Variants in ANO3 observed in about 807,000 individuals in gnomAD.
The protein encoded by ANO3 is anoctamin-3.
A neutral mutation model predicts 144.8 loss-of-function variants in ANO3; 99 were observed. That is an observed-to-expected ratio of 0.68 (90% CI 0.58 to 0.81). The LOEUF (loss-of-function observed/expected upper bound fraction) is 0.81. Among genes scored for constraint, ANO3 ranks in the 30% least tolerant of loss-of-function variants. ANO3 has a pLI of 0.00. For synonymous variants in ANO3, 414 were observed against 392.6 expected (o/e 1.05, Z -0.64); for missense variants, 905 against 1,202.2 (o/e 0.75, Z 3.66).
At chr11:26,262,105 A>G (rs1853203426) in intron 1 of ANO3, among the ~76,000 whole-genome samples, 1 of 152,206 alleles carries the variant, frequency 6.6e-6, no homozygotes, top group African/African-American at 2.4e-5. Flanking sequence ...TTGAAATAGT[A>G]GAATAGAGAA....
intron 4 of ANO3, among the ~76,000 whole-genome samples, chr11:26,483,188 A>G (rs1860296215): frequency 6.6e-6 from 1 of 152,066 alleles, no homozygotes. Context: ...TCCCACCAAG[A>G]GCCTGTAAAC....
chr11:26,279,784 A>G (rs1317526474), intron 1 of ANO3, among the ~76,000 whole-genome samples: 1 of 151,938 alleles, frequency 6.6e-6, no homozygotes, highest in Non-Finnish European at 1.5e-5. Context: ...CAACTTCAAG[A>G]CTCCTTATTT....
chr11:26,578,729 T>C (rs536398081), intron 14 of ANO3, among the ~76,000 whole-genome samples: 7 of 152,134 alleles, frequency 4.6e-5, no homozygotes, highest in African/African-American at 1.7e-4. Flanking sequence ...GTGTAGAATA[T>C]GGGGATAGAG....
intron 1 of ANO3, among the ~76,000 whole-genome samples, chr11:26,300,907 GC>G (rs1854216296): frequency 7.4e-6 from 1 of 135,816 alleles, no homozygotes; most frequent in South Asian, 2.3e-4. Flanking sequence ...AGGCTGAAGT[GC>G]AGTGGTGCAA....
At chr11:26,598,301 A>G in intron 14 of ANO3, 64 bp from the exon 15 acceptor site, 5 of 786,240 alleles carry the variant, frequency 6.4e-6, no homozygotes, top group Non-Finnish European at 7.7e-6. Flanking sequence ...AGATATCTCA[A>G]TATAAAGAAG....
At chr11:26,445,098 G>A (rs768683664) in intron 3 of ANO3, among the ~76,000 whole-genome samples, 8 of 151,984 alleles carry the variant, frequency 5.3e-5, no homozygotes, top group Admixed American at 3.3e-4. Flanking sequence ...ATACTTACTC[G>A]CTGAGCATCC....
chr11:26,419,198 A>G (rs1156502593), intron 1 of ANO3, among the ~76,000 whole-genome samples: 2 of 152,082 alleles, frequency 1.3e-5, no homozygotes, highest in Non-Finnish European at 1.5e-5. Flanking sequence ...CTTTTAAGCA[A>G]CCAGATCTTA....
chr11:26,562,766 G>T (rs899537618), intron 14 of ANO3, among the ~76,000 whole-genome samples: 1 of 151,806 alleles, frequency 6.6e-6, no homozygotes, highest in Admixed American at 6.6e-5. Flanking sequence ...TCTAACAATG[G>T]CAAGGAATAG....
At chr11:26,466,193 A>G (rs531418971) in intron 4 of ANO3, among the ~76,000 whole-genome samples, 8 of 152,076 alleles carry the variant, frequency 5.3e-5, no homozygotes, top group African/African-American at 1.9e-4. Context: ...GCAGTTTAGG[A>G]ATTCAGACAT....
chr11:26,631,729 CT>C (rs1242478643), intron 18 of ANO3, among the ~76,000 whole-genome samples: 1 of 151,976 alleles, frequency 6.6e-6, no homozygotes, highest in Non-Finnish European at 1.5e-5. Flanking sequence ...ATTAGGGAAA[CT>C]AGAGGCAAAG....
chr11:26,472,626 T>A (rs1173969195), intron 4 of ANO3, among the ~76,000 whole-genome samples: 1 of 151,800 alleles, frequency 6.6e-6, no homozygotes, highest in Non-Finnish European at 1.5e-5. Context: ...TACTGGAAAA[T>A]TATGTTTATT....
intron 2 of ANO3, 89 bp from the exon 3 acceptor site, chr11:26,443,676 G>A: frequency 3.4e-6 from 2 of 591,448 alleles, no homozygotes; most frequent in Non-Finnish European, 2.9e-6. Flanking sequence ...ATCATGTTTG[G>A]CCATCATTTG....
chr11:26,421,986 T>C (rs1857765841), intron 1 of ANO3, among the ~76,000 whole-genome samples: 1 of 151,906 alleles, frequency 6.6e-6, no homozygotes. Context: ...TCACAAAAAT[T>C]AACTAATGGG....
chr11:26,246,504 TATC>T (rs1350280555), intron 1 of ANO3, among the ~76,000 whole-genome samples: 1 of 149,164 alleles, frequency 6.7e-6, no homozygotes, highest in African/African-American at 2.4e-5. Flanking sequence ...CTGAACATCT[TATC>T]ATATGTTTCA....
At chr11:26,488,901 A>T (rs1860582447) in intron 4 of ANO3, among the ~76,000 whole-genome samples, 1 of 152,062 alleles carries the variant, frequency 6.6e-6, no homozygotes, top group Admixed American at 6.5e-5. Context: ...TGATTGGTCC[A>T]TTTTACAGAG....
At position 26,661,523 on chromosome 11, in the gene ANO3, T is replaced by G. The variant is rs574522865; in HGVS notation, c.*1079T>G. The G allele has an allele frequency of 6.6e-6, 1 of 152,638 alleles. No individual in the cohort carries two copies. The highest frequency in any genetic ancestry group is 2.1e-4 in the South Asian group (1 of 4,832). 9.5% of individuals were successfully genotyped at this position (152,638 alleles called of 1,614,324 possible). The stretch of plus-strand genomic sequence containing the variant: ...ACAATGTGCACTCTTACTCATGAAC[T>G]AATGAAAATAATGCATGAATATAAA... On this transcript the variant is annotated 3_prime_UTR_variant, in exon 27 of 27. Coordinates refer to ENST00000256737, the MANE Select transcript of ANO3 (RefSeq NM_031418.4).
intron 14 of ANO3, among the ~76,000 whole-genome samples, chr11:26,589,086 A>C (rs1256338268): frequency 6.6e-6 from 1 of 152,188 alleles, no homozygotes; most frequent in East Asian, 1.9e-4. Flanking sequence ...ACCAACAAAA[A>C]CCAGCCTGAG....
intron 1 of ANO3, among the ~76,000 whole-genome samples, chr11:26,394,455 A>G (rs1856954091): frequency 1.3e-5 from 2 of 152,188 alleles, no homozygotes; most frequent in South Asian, 4.1e-4. Flanking sequence ...TTGGCCAAAT[A>G]GCAAAACTGG....
chr11:26,458,281 T>C (rs1859243574), intron 3 of ANO3, among the ~76,000 whole-genome samples: 1 of 152,114 alleles, frequency 6.6e-6, no homozygotes, highest in Admixed American at 6.6e-5. Flanking sequence ...ATTAGCTTCA[T>C]TAACCAAAAT....
Sources: allele counts gnomAD v4.1 joint callset (sites outside exome capture counted in the v4.1 genomes callset), GRCh38; gene constraint gnomAD v4.1.1; transcripts MANE v1.5; gene names NCBI Gene and HGNC (gene_info 2026-07-23, HGNC 2026-07-21).